TMEM117: variants seen among roughly 807,000 people sequenced by gnomAD.
The protein encoded by TMEM117 is transmembrane protein 117.
TMEM117 carries 27 observed loss-of-function variants against 52.4 expected under a neutral mutation model. The observed-to-expected ratio is 0.51, with a 90% CI of 0.38 to 0.71. TMEM117 has a LOEUF of 0.71. TMEM117 is among the 30% of genes least tolerant of loss of function. TMEM117 has a pLI of 0.00. For missense variants in TMEM117, 556 were observed against 630.5 expected (o/e 0.88, Z 1.26); for synonymous variants, 215 against 206.3 (o/e 1.04, Z -0.36).
intron 3 of TMEM117, among the ~76,000 whole-genome samples, chr12:43,985,079 A>G (rs1370963057): frequency 6.6e-6 from 1 of 152,208 alleles, no homozygotes. Context: ...ATAGAAAACA[A>G]TGGGAGGGAA....
the TMEM117 span, chr12:43,805,764 G>A: frequency 1.5e-6 from 2 of 1,338,420 alleles, no homozygotes; most frequent in South Asian, 1.1e-5. Flanking sequence ...GAAAGATTCT[G>A]GCATGGTTCT....
chr12:43,859,998 T>TA (rs1943462059), intron 2 of TMEM117, among the ~76,000 whole-genome samples: 1 of 152,212 alleles, frequency 6.6e-6, no homozygotes, highest in African/African-American at 2.4e-5. Context: ...GATACTAAGC[T>TA]ATGAAGGTGT....
chr12:44,061,354 G>C (rs2137955000), intron 3 of TMEM117, among the ~76,000 whole-genome samples: 1 of 152,286 alleles, frequency 6.6e-6, no homozygotes, highest in South Asian at 2.1e-4. Context: ...GACAGTAAGA[G>C]GGAGCTGTTG....
At chr12:44,211,449 G>T in intron 5 of TMEM117, 62 bp downstream of exon 5, 1 of 1,186,182 alleles carries the variant, frequency 8.4e-7, no homozygotes, top group East Asian at 2.4e-5. Flanking sequence ...ACTTTAGTTG[G>T]ATGTAATTTT....
chr12:44,086,980 ATATATAATTAATAATTATAAATTATGTAT>A (rs1333226158), intron 3 of TMEM117, among the ~76,000 whole-genome samples: 9 of 145,292 alleles, frequency 6.2e-5, no homozygotes, highest in African/African-American at 1.0e-4. Flanking sequence ...AAATTATATA[ATATATAATTAATAATTATAAATTATGTAT>A]TATATAATTA....
At chr12:44,035,155 A>G (rs1252194079) in intron 3 of TMEM117, among the ~76,000 whole-genome samples, 2 of 152,172 alleles carry the variant, frequency 1.3e-5, no homozygotes, top group South Asian at 2.1e-4. Context: ...GTGTGAGCCA[A>G]TTCCACTATA....
At chr12:43,897,277 A>G (rs1322882618) in intron 2 of TMEM117, among the ~76,000 whole-genome samples, 1 of 146,888 alleles carries the variant, frequency 6.8e-6, no homozygotes, top group Non-Finnish European at 1.5e-5. Flanking sequence ...TTTCTTACCT[A>G]TCAGTTCCAT....
chr12:44,164,418 C>T (rs1948937588), intron 4 of TMEM117, among the ~76,000 whole-genome samples: 1 of 152,102 alleles, frequency 6.6e-6, no homozygotes, highest in South Asian at 2.1e-4. Context: ...CCTTTTCATC[C>T]TCATAACTTA....
intron 4 of TMEM117, among the ~76,000 whole-genome samples, chr12:44,157,935 A>C (rs1015419398): frequency 2.6e-5 from 4 of 152,168 alleles, no homozygotes; most frequent in Non-Finnish European, 1.5e-5. Context: ...CATCCTGATG[A>C]GTTCTGAGTT....
At chr12:43,868,720 A>T (rs1375560385) in intron 2 of TMEM117, among the ~76,000 whole-genome samples, 1 of 152,194 alleles carries the variant, frequency 6.6e-6, no homozygotes, top group African/African-American at 2.4e-5. Context: ...GTTAGTTTAT[A>T]TTTTAAATGC....
downstream of TMEM117, among the ~76,000 whole-genome samples, chr12:44,389,967 G>A (rs185236070): frequency 7.8e-4 from 118 of 152,078 alleles, no homozygotes; most frequent in Non-Finnish European, 1.3e-3. Flanking sequence ...GTCACACACT[G>A]ACATAGCTGC....
At chr12:43,943,664 A>G (rs1945081833) in intron 2 of TMEM117, among the ~76,000 whole-genome samples, 3 of 152,204 alleles carry the variant, frequency 2.0e-5, no homozygotes, top group Non-Finnish European at 4.4e-5. Flanking sequence ...GTACAGGGGC[A>G]TGTTTGTTAA....
chr12:44,228,041 G>T (rs1592623618), intron 5 of TMEM117, among the ~76,000 whole-genome samples: 1 of 151,798 alleles, frequency 6.6e-6, no homozygotes, highest in Admixed American at 6.6e-5. Context: ...GGTGGGTTTG[G>T]GAGGGAGGGA....
chr12:43,906,761 C>A (rs1018404919), intron 2 of TMEM117, among the ~76,000 whole-genome samples: 2 of 152,236 alleles, frequency 1.3e-5, no homozygotes, highest in South Asian at 2.1e-4. Flanking sequence ...TCGGGTCACT[C>A]CCACTGGAAT....
the TMEM117 span, among the ~76,000 whole-genome samples, chr12:43,823,409 G>GAT: frequency 1.3e-5 from 2 of 152,208 alleles, no homozygotes; most frequent in Non-Finnish European, 2.9e-5. Flanking sequence ...GCTAAACGAT[G>GAT]AGATGATCAA....
chr12:44,005,816 T>A (rs961966709), intron 3 of TMEM117, among the ~76,000 whole-genome samples: 2 of 152,106 alleles, frequency 1.3e-5, no homozygotes, highest in Non-Finnish European at 2.9e-5. Context: ...ATGCTATTCT[T>A]GTGATAGTGA....
chr12:44,280,045 G>A (rs1950559267), intron 5 of TMEM117, among the ~76,000 whole-genome samples: 1 of 152,070 alleles, frequency 6.6e-6, no homozygotes, highest in Non-Finnish European at 1.5e-5. Context: ...ATAAAAAGCA[G>A]TAATATTCAA....
intron 3 of TMEM117, among the ~76,000 whole-genome samples, chr12:44,037,014 A>G (rs1158552051): frequency 6.6e-6 from 1 of 152,212 alleles, no homozygotes; most frequent in Non-Finnish European, 1.5e-5. Context: ...TGACCGCTGC[A>G]AACACACTGG....
At chr12:44,121,902 T>C (rs1324676606) in intron 3 of TMEM117, among the ~76,000 whole-genome samples, 1 of 152,140 alleles carries the variant, frequency 6.6e-6, no homozygotes, top group Non-Finnish European at 1.5e-5. Flanking sequence ...CTCTTCTTTG[T>C]GTCCATTGTA....
Sources: gnomAD v4.1 joint callset for allele counts (sites outside exome capture counted in the v4.1 genomes callset) on GRCh38, gnomAD v4.1.1 for gene constraint, MANE v1.5 for transcripts, NCBI Gene and HGNC (gene_info 2026-07-23, HGNC 2026-07-21) for gene names.